The following KIAA1549L variants were observed in gnomAD, a reference collection of about 807,000 sequenced individuals.
KIAA1549L encodes UPF0606 protein KIAA1549L.
Under a neutral mutation model 160.7 loss-of-function variants are expected in KIAA1549L, and 88 were observed. The observed-to-expected ratio is 0.55, with a 90% confidence interval of 0.46 to 0.65. The LOEUF is 0.65. Among genes scored for constraint, KIAA1549L ranks in the 30% least tolerant of loss-of-function variants. KIAA1549L has a pLI of 0.00. For synonymous variants in KIAA1549L, 950 were observed against 976.7 expected (o/e 0.97, Z 0.51); for missense variants, 2,258 against 2,437.5 (o/e 0.93, Z 1.55).
chr11:33,654,994 G>A (rs1271654065), intron 17 of KIAA1549L, among the ~76,000 whole-genome samples: 1 of 152,154 alleles, frequency 6.6e-6, no homozygotes, highest in Non-Finnish European at 1.5e-5. Context: ...TTAAAATCCT[G>A]TCATCCTCCT....
Position 33,559,817 on chromosome 11 carries a change from C to T in KIAA1549L, c.3924C>T (p.Phe1308=), listed in dbSNP as rs2133215514. Reference sequence around the variant, plus strand: ...ACGTCGTGGGCAATCAGAGCACATTCCTCAACGGCACCGTCGCCAGCAGCC... The same window carrying T: ...ACGTCGTGGGCAATCAGAGCACATTTCTCAACGGCACCGTCGCCAGCAGCC... ...LVYVVGNQST[F]LNGTVASSLL... is the part of the protein sequence containing the mutation. The change falls in exon 7 of 21, where the codon TTC becomes TTT. Residue 1308 remains phenylalanine (F), a synonymous_variant. Transcript: ENST00000658780. 2.5e-6 allele frequency: 4 copies of T among 1,613,990 alleles called. No individual in the cohort carries two copies. Among genetic ancestry groups the T allele is most frequent in the East Asian group, 2.2e-5 (1 of 44,876 alleles).
At chr11:33,600,799 T>C (rs1384509480) in intron 13 of KIAA1549L, among the ~76,000 whole-genome samples, 1 of 152,266 alleles carries the variant, frequency 6.6e-6, no homozygotes, top group Non-Finnish European at 1.5e-5. Flanking sequence ...TATTGTTCTA[T>C]GCCCTTTCTC....
In KIAA1549L at chr11:33,617,768, C is replaced by T. The variant is rs575702797; in HGVS notation, c.5280-765C>T. On this transcript the variant is annotated intron_variant, in intron 15 of 20. Coordinates refer to ENST00000658780, the MANE Select transcript of KIAA1549L (RefSeq NM_012194.3). ...TGGTGCCTGGCACATAGTAGGCATT[C>T]GGTAAATGATGGAAGCCTCGGTGGA... Among the ~76,000 whole-genome samples the T allele has an allele frequency of 5.3e-5, 8 of 151,366 alleles. No homozygotes were observed. In the East Asian group the frequency reaches 7.8e-4, roughly 15 times the overall value.
rs918512261 is a variant in KIAA1549L at position 33,467,137 on chromosome 11, T to A, written c.239-74665T>A. On this transcript the variant is annotated intron_variant, in intron 1 of 20. Coordinates refer to ENST00000658780, the MANE Select transcript of KIAA1549L (RefSeq NM_012194.3). Reference sequence around the variant, plus strand: ...GTATAATAAGAAAAATATGGTTAACTTTTTTCTTATTTTCTTTTCATAACG... The same window carrying A: ...GTATAATAAGAAAAATATGGTTAACATTTTTCTTATTTTCTTTTCATAACG... 2.0e-5 allele frequency among the ~76,000 whole-genome samples: 3 copies of A among 152,242 alleles called. No homozygotes were observed. In the South Asian group the frequency reaches 6.2e-4, roughly 32 times the overall value.
intron 17 of KIAA1549L, among the ~76,000 whole-genome samples, chr11:33,647,124 C>T (rs985823389): frequency 6.6e-6 from 1 of 152,152 alleles, no homozygotes; most frequent in Non-Finnish European, 1.5e-5. Flanking sequence ...GTGGCTCACA[C>T]CTATAATCCC....
intron 1 of KIAA1549L, among the ~76,000 whole-genome samples, chr11:33,386,475 G>A (rs1850174955): frequency 6.6e-6 from 1 of 152,030 alleles, no homozygotes; most frequent in Admixed American, 6.5e-5. Flanking sequence ...AATGTCAGAA[G>A]TTCGAAACCA....
In KIAA1549L at chr11:33,381,288, A is replaced by G. The variant is rs537350478; in HGVS notation, c.238+4399A>G. ...TAAGCTCTATGGAGCAAAATAAATC[A>G]GGGTAGGGGATAGTGCCTTCACACA... On this transcript the variant is annotated intron_variant, in intron 1 of 20. Coordinates refer to ENST00000658780, the MANE Select transcript of KIAA1549L (RefSeq NM_012194.3). Among the ~76,000 whole-genome samples the G allele has an allele frequency of 2.0e-5, 3 of 152,290 alleles. No individual in the cohort carries two copies. The East Asian group carries it at 5.8e-4, about 30-fold the overall frequency.
At chr11:33,649,605 A>G (rs530755951) in intron 17 of KIAA1549L, among the ~76,000 whole-genome samples, 34 of 151,410 alleles carry the variant, frequency 2.2e-4, no homozygotes, top group Admixed American at 1.4e-3. Flanking sequence ...AGGCATCTCC[A>G]TTAGGGTAAA....
intron 16 of KIAA1549L, among the ~76,000 whole-genome samples, chr11:33,629,285 G>C (rs1851208534): frequency 6.6e-6 from 1 of 152,066 alleles, no homozygotes; most frequent in South Asian, 2.1e-4. Context: ...CTCTTCTCGA[G>C]GAGTATCTTT....
intron 16 of KIAA1549L, among the ~76,000 whole-genome samples, chr11:33,622,235 T>C (rs1036040865): frequency 2.6e-5 from 4 of 152,196 alleles, no homozygotes; most frequent in Non-Finnish European, 5.9e-5. Flanking sequence ...GAGGTCCAGC[T>C]GCAGAAAACT....
chr11:33,434,656 A>G (rs1237018453), intron 1 of KIAA1549L, among the ~76,000 whole-genome samples: 2 of 152,208 alleles, frequency 1.3e-5, no homozygotes. Context: ...GGGTCACTCA[A>G]TAAATGGGCT....
At chr11:33,450,585 C>A (rs376000324) in intron 1 of KIAA1549L, 5,975 of 124,674 alleles carry the variant, frequency 0.048, 421 homozygotes, top group African/African-American at 0.16. Flanking sequence ...ACAACAACAA[C>A]AACAAAAAAG....
At chr11:33,585,686 T>C (rs545790498) in intron 11 of KIAA1549L, among the ~76,000 whole-genome samples, 16 of 152,294 alleles carry the variant, frequency 1.1e-4, no homozygotes. Flanking sequence ...ATATTTATGT[T>C]ATAGATTAAA....
rs114168985 is a variant in KIAA1549L, at chr11:33,377,916, G to A, written c.238+1027G>A. Reference sequence around the variant, plus strand: ...CTTAATTCAGAGCCCATTTTCCTTCGATTCACTTAAAGAGTCACTGACAGG... The same window carrying A: ...CTTAATTCAGAGCCCATTTTCCTTCAATTCACTTAAAGAGTCACTGACAGG... On this transcript the variant is annotated intron_variant, in intron 1 of 20. Coordinates refer to ENST00000658780, the MANE Select transcript of KIAA1549L (RefSeq NM_012194.3). Among the ~76,000 whole-genome samples the A allele has an allele frequency of 1.1e-3, 168 of 152,226 alleles. 1 individual carries two copies. The highest frequency in any genetic ancestry group is 3.9e-3 in the African/African-American group (164 of 41,550).
intron 10 of KIAA1549L, among the ~76,000 whole-genome samples, chr11:33,581,563 A>G (rs1172814985): frequency 6.6e-6 from 1 of 152,144 alleles, no homozygotes; most frequent in Non-Finnish European, 1.5e-5. Flanking sequence ...CCTCATCAGC[A>G]TATTGGGGAT....
chr11:33,534,040 A>G (rs1853836813), intron 1 of KIAA1549L, among the ~76,000 whole-genome samples: 1 of 152,198 alleles, frequency 6.6e-6, no homozygotes, highest in Admixed American at 6.5e-5. Context: ...GGGCTTGTGC[A>G]GCAAACCATT....
intron 1 of KIAA1549L, among the ~76,000 whole-genome samples, chr11:33,381,438 G>A (rs1850071967): frequency 1.3e-5 from 2 of 152,192 alleles, no homozygotes; most frequent in South Asian, 4.1e-4. Context: ...CAAAGGCCTT[G>A]AGCAGAGATT....
intron 1 of KIAA1549L, among the ~76,000 whole-genome samples, chr11:33,459,947 C>T (rs996511333): frequency 4.5e-5 from 4 of 89,064 alleles, no homozygotes; most frequent in Non-Finnish European, 8.5e-5. Flanking sequence ...GGCGACAGAG[C>T]GAGACTCCGT....
chr11:33,527,528 G>A (rs1221113339), intron 1 of KIAA1549L, among the ~76,000 whole-genome samples: 1 of 152,078 alleles, frequency 6.6e-6, no homozygotes, highest in African/African-American at 2.4e-5. Flanking sequence ...ATTGACTTAG[G>A]CAAAGAGTTT....
Sources: allele counts gnomAD v4.1 joint callset (sites outside exome capture counted in the v4.1 genomes callset), GRCh38; gene constraint gnomAD v4.1.1; transcripts MANE v1.5; gene names NCBI Gene and HGNC (gene_info 2026-07-23, HGNC 2026-07-21).